The following DLG2 variants were observed in gnomAD, a reference collection of about 807,000 sequenced individuals.
DLG2 encodes discs large MAGUK scaffold protein 2.
A neutral mutation model predicts 132.5 loss-of-function variants in DLG2; 45 were observed. The ratio of observed to expected loss-of-function variants is 0.34; its 90% CI spans 0.27 to 0.44. DLG2 has a LOEUF of 0.44. Ranked by LOEUF, DLG2 falls within the 20% of genes least tolerant of loss-of-function variation. The pLI is 1.00. For synonymous variants in DLG2, 424 were observed against 419.6 expected, an observed-to-expected ratio of 1.01 and a Z score of -0.13; for missense variants, 1,045 against 1,196.9, an observed-to-expected ratio of 0.87 and a Z score of 1.87.
At chr11:83,472,467 C>T (rs752472680) in intron 23 of DLG2, among the ~76,000 whole-genome samples, 1 of 152,092 alleles carries the variant, frequency 6.6e-6, no homozygotes, top group African/African-American at 2.4e-5. Flanking sequence ...TGTGTTCCTT[C>T]CCATTGAGGA....
chr11:85,505,963 C>G (rs950469819), intron 3 of DLG2, among the ~76,000 whole-genome samples: 3 of 152,028 alleles, frequency 2.0e-5, no homozygotes, highest in Non-Finnish European at 2.9e-5. Context: ...TGTATGTGTC[C>G]AGGAATTTAT....
chr11:84,518,260 T>C (rs1039064415), intron 7 of DLG2, among the ~76,000 whole-genome samples: 1 of 89,880 alleles, frequency 1.1e-5, no homozygotes, highest in Non-Finnish European at 2.5e-5. Context: ...CTTTTTGCAA[T>C]GAAGAATGAT....
chr11:84,943,438 G>T (rs1249433963), intron 6 of DLG2, among the ~76,000 whole-genome samples: 1 of 151,580 alleles, frequency 6.6e-6, no homozygotes, highest in African/African-American at 2.4e-5. Context: ...TCCATTTAGT[G>T]AAGGTGACTT....
chr11:84,390,626 G>A (rs1432810480), intron 7 of DLG2, among the ~76,000 whole-genome samples: 3 of 152,148 alleles, frequency 2.0e-5, no homozygotes, highest in African/African-American at 4.8e-5. Context: ...TGGGCCCAAA[G>A]GGGGAGCACT....
chr11:84,588,099 C>G (rs1213025511), intron 6 of DLG2, among the ~76,000 whole-genome samples: 3 of 152,164 alleles, frequency 2.0e-5, no homozygotes, highest in South Asian at 4.1e-4. Context: ...GCCACACACA[C>G]TGTTCTAGGC....
intron 6 of DLG2, among the ~76,000 whole-genome samples, chr11:84,777,408 G>C (rs1249272279): frequency 2.0e-5 from 3 of 148,470 alleles, no homozygotes; most frequent in Admixed American, 6.8e-5. Flanking sequence ...TGTGATAAAC[G>C]TAACAGTGTA....
At chr11:83,685,184 T>C (rs2153605877) in intron 18 of DLG2, among the ~76,000 whole-genome samples, 1 of 152,244 alleles carries the variant, frequency 6.6e-6, no homozygotes, top group South Asian at 2.1e-4. Flanking sequence ...GATGGCACAG[T>C]CACAATAATA....
rs376556616 is a variant in DLG2, at chr11:84,548,375, C to T, written c.358-13644G>A. Among the ~76,000 whole-genome samples the T allele has an allele frequency of 4.5e-4, 68 of 152,044 alleles. No individual in the cohort carries two copies. The South Asian group carries it at 0.013, about 28-fold the overall frequency. On this transcript the variant is annotated intron_variant, in intron 6 of 27. Transcript: ENST00000376104. Reference sequence around the variant, plus strand: ...GCATGTGCCATGTTGGTGTGCTGCACCCAGTAACTCATCATTTAACGTTAG... The same window carrying T: ...GCATGTGCCATGTTGGTGTGCTGCATCCAGTAACTCATCATTTAACGTTAG...
At chr11:83,935,215 T>G (rs1459674949) in intron 14 of DLG2, among the ~76,000 whole-genome samples, 1 of 152,168 alleles carries the variant, frequency 6.6e-6, no homozygotes, top group Non-Finnish European at 1.5e-5. Context: ...AGATATCATT[T>G]GAGGAAAAAG....
intron 18 of DLG2, among the ~76,000 whole-genome samples, chr11:83,744,562 C>T (rs989685379): frequency 6.6e-6 from 1 of 152,210 alleles, no homozygotes; most frequent in Admixed American, 6.5e-5. Flanking sequence ...TACGTAGCCA[C>T]ATACCAGAGA....
chr11:83,498,921 T>C (rs2094302505), intron 21 of DLG2, among the ~76,000 whole-genome samples: 1 of 151,890 alleles, frequency 6.6e-6, no homozygotes, highest in Non-Finnish European at 1.5e-5. Flanking sequence ...GGGAATACTA[T>C]GAACAATTAT....
Position 85,624,448 on chromosome 11 carries a change from T to C in DLG2, c.-93+2139A>G, listed in dbSNP as rs148846989. 2.6e-5 allele frequency among the ~76,000 whole-genome samples: 4 copies of C among 152,216 alleles called. No individual in the cohort carries two copies. The East Asian group carries it at 5.8e-4, about 22-fold the overall frequency. On this transcript the variant is annotated intron_variant, in intron 2 of 27. Coordinates refer to ENST00000376104, the MANE Select transcript of DLG2 (RefSeq NM_001142699.3). ...TGGCTCAGTGAGGATAGTTATTGTTTAGAATCACATTAAGTCTAGCTTTTT... is the reference window on the plus strand; with the variant it reads ...TGGCTCAGTGAGGATAGTTATTGTTCAGAATCACATTAAGTCTAGCTTTTT...
intron 15 of DLG2, among the ~76,000 whole-genome samples, chr11:83,908,100 T>A (rs1399762752): frequency 6.6e-6 from 1 of 152,200 alleles, no homozygotes; most frequent in Non-Finnish European, 1.5e-5. Flanking sequence ...AAATGTTGCT[T>A]CTTATGCACA....
At chr11:84,408,003 T>C (rs756464172) in intron 7 of DLG2, among the ~76,000 whole-genome samples, 1 of 152,208 alleles carries the variant, frequency 6.6e-6, no homozygotes, top group Non-Finnish European at 1.5e-5. Context: ...TACTAGATTA[T>C]CCTTTTTCAA....
intron 5 of DLG2, among the ~76,000 whole-genome samples, chr11:85,125,806 TACACACACACACACAC>T (rs71465021): frequency 8.2e-4 from 122 of 148,638 alleles, no homozygotes; most frequent in African/African-American, 2.4e-3. Flanking sequence ...CCAGACATTA[TACACACACACACACAC>T]ACACACACAC....
rs183609249 is a variant in DLG2 at position 84,267,090 on chromosome 11, C to T, written c.520-15799G>A. 2.2e-4 allele frequency among the ~76,000 whole-genome samples: 33 copies of T among 152,292 alleles called. No individual in the cohort carries two copies. The East Asian group carries it at 2.7e-3, about 12-fold the overall frequency. On this transcript the variant is annotated intron_variant, in intron 7 of 27. Transcript: ENST00000376104. ...GCATGAAGAAAGGCAGGTGGGATTACGGTTGGAAGACCTAGGTTCTTTCCT... is the reference window on the plus strand; with the variant it reads ...GCATGAAGAAAGGCAGGTGGGATTATGGTTGGAAGACCTAGGTTCTTTCCT...
At chr11:83,922,757 A>C (rs2078185728) in intron 15 of DLG2, among the ~76,000 whole-genome samples, 1 of 152,106 alleles carries the variant, frequency 6.6e-6, no homozygotes, top group Non-Finnish European at 1.5e-5. Context: ...GGATGTGAGA[A>C]TGCCTTGGGT....
chr11:83,541,890 G>C (rs758224889), intron 19 of DLG2, 32 bp from the exon 20 acceptor site: 19 of 1,554,372 alleles, frequency 1.2e-5, no homozygotes, highest in Admixed American at 3.7e-5. Context: ...GACATTGTTA[G>C]GAATCTCTGG....
At chr11:83,648,341 A>G (rs987906954) in intron 18 of DLG2, among the ~76,000 whole-genome samples, 2 of 152,132 alleles carry the variant, frequency 1.3e-5, no homozygotes, top group Non-Finnish European at 2.9e-5. Context: ...TGTAGGGGTA[A>G]AGGAAGGCAT....
Sources: gnomAD v4.1 joint callset for allele counts (sites outside exome capture counted in the v4.1 genomes callset) on GRCh38, gnomAD v4.1.1 for gene constraint, MANE v1.5 for transcripts, NCBI Gene and HGNC (gene_info 2026-07-23, HGNC 2026-07-21) for gene names.